Variants in B3GALT1 observed in about 807,000 individuals in gnomAD.
The protein encoded by B3GALT1 is UDP-Gal:betaGlcNAc beta 1,3-galactosyltransferase, polypeptide 1.
A neutral mutation model predicts 23.2 loss-of-function variants in B3GALT1; 10 were observed. The ratio of observed to expected loss-of-function variants is 0.43; its 90% confidence interval spans 0.27 to 0.73. B3GALT1 has a LOEUF of 0.73. Among genes scored for constraint, B3GALT1 ranks in the 30% least tolerant of loss-of-function variants. The pLI, the probability that B3GALT1 is intolerant of heterozygous loss-of-function variation, is 0.21. For missense variants in B3GALT1, 299 were observed against 405.4 expected, an observed-to-expected ratio of 0.74 and a Z score of 2.25; for synonymous variants, 156 against 141.5, an observed-to-expected ratio of 1.10 and a Z score of -0.73.
chr2:167,329,724 G>A (rs1463542782), intron 1 of B3GALT1, among the ~76,000 whole-genome samples: 1 of 151,846 alleles, frequency 6.6e-6, no homozygotes, highest in African/African-American at 2.4e-5. Context: ...CCTTAGCTTT[G>A]GTTTTTCTGG....
chr2:167,563,432 G>A (rs1160173492), intron 2 of B3GALT1, among the ~76,000 whole-genome samples: 14 of 120,278 alleles, frequency 1.2e-4, no homozygotes, highest in Admixed American at 1.6e-4. Flanking sequence ...CCTCCCTCCC[G>A]GACAGGGGCG....
At chr2:167,527,103 T>C (rs1683234252) in intron 2 of B3GALT1, among the ~76,000 whole-genome samples, 1 of 152,176 alleles carries the variant, frequency 6.6e-6, no homozygotes, top group Non-Finnish European at 1.5e-5. Context: ...TCATATCCTA[T>C]GATATGATGT....
intron 1 of B3GALT1, among the ~76,000 whole-genome samples, chr2:167,406,809 C>T (rs953922801): frequency 6.6e-6 from 1 of 152,134 alleles, no homozygotes; most frequent in Non-Finnish European, 1.5e-5. Context: ...GATACAGATC[C>T]CCTGGGGATG....
Position 167,644,924 on chromosome 2 carries a change from C to T in B3GALT1, c.-409-1985C>T, listed in dbSNP as rs541497068. 2.6e-5 allele frequency among the ~76,000 whole-genome samples: 4 copies of T among 152,098 alleles called. No homozygotes were observed. The South Asian group carries it at 8.3e-4, about 32-fold the overall frequency. On this transcript the variant is annotated intron_variant, in intron 2 of 4. Transcript: ENST00000392690. Reference sequence around the variant, plus strand: ...TTATCTAAGCTTAGCACCATTCAGACTCAGAGCCATGTTGATCTAAAGTGC... The same window carrying T: ...TTATCTAAGCTTAGCACCATTCAGATTCAGAGCCATGTTGATCTAAAGTGC...
At chr2:167,706,512 TCCTCTTTTGTTACAGC>T (rs1686969617) in intron 3 of B3GALT1, among the ~76,000 whole-genome samples, 1 of 152,188 alleles carries the variant, frequency 6.6e-6, no homozygotes, top group Non-Finnish European at 1.5e-5. Flanking sequence ...GAGCTGCCAT[TCCTCTTTTGTTACAGC>T]CTAACATACA....
chr2:167,662,295 G>C (rs1432381824), intron 3 of B3GALT1, among the ~76,000 whole-genome samples: 1 of 151,962 alleles, frequency 6.6e-6, no homozygotes, highest in Non-Finnish European at 1.5e-5. Flanking sequence ...CAATAGTTAA[G>C]CCATGATTGA....
At chr2:167,350,316 G>A (rs1697290420) in intron 1 of B3GALT1, among the ~76,000 whole-genome samples, 1 of 152,286 alleles carries the variant, frequency 6.6e-6, no homozygotes, top group Non-Finnish European at 1.5e-5. Context: ...TTACTGAGAG[G>A]ATCAACTATG....
intron 2 of B3GALT1, among the ~76,000 whole-genome samples, chr2:167,600,482 TATC>T (rs1312893065): frequency 1.3e-5 from 2 of 152,292 alleles, no homozygotes; most frequent in Admixed American, 1.3e-4. Flanking sequence ...TTTAGACAAT[TATC>T]ATCACCTCAA....
chr2:167,312,153 A>G (rs1696642094), intron 1 of B3GALT1, among the ~76,000 whole-genome samples: 1 of 152,048 alleles, frequency 6.6e-6, no homozygotes, highest in Non-Finnish European at 1.5e-5. Flanking sequence ...ATTAATAGCA[A>G]ACCTATATTA....
intron 3 of B3GALT1, among the ~76,000 whole-genome samples, chr2:167,688,266 A>C (rs7605048): frequency 0.26 from 39,372 of 151,974 alleles, 5,375 homozygotes; most frequent in Admixed American, 0.34. Context: ...TTGTCAGACC[A>C]AAATATATCA....
chr2:167,325,499 A>G (rs1330014751), intron 1 of B3GALT1, among the ~76,000 whole-genome samples: 1 of 151,722 alleles, frequency 6.6e-6, no homozygotes, highest in Non-Finnish European at 1.5e-5. Context: ...TCACCACACC[A>G]CCACCAAGGG....
At chr2:167,743,602 A>G (rs986483593) in intron 3 of B3GALT1, among the ~76,000 whole-genome samples, 2 of 151,940 alleles carry the variant, frequency 1.3e-5, no homozygotes, top group South Asian at 4.1e-4. Context: ...TATATTTTAA[A>G]TCGGTTTTGG....
intron 2 of B3GALT1, among the ~76,000 whole-genome samples, chr2:167,523,084 C>T (rs1256101531): frequency 6.6e-6 from 1 of 152,152 alleles, no homozygotes; most frequent in African/African-American, 2.4e-5. Context: ...CATCTGCTGT[C>T]CCATAGGCAC....
intron 3 of B3GALT1, among the ~76,000 whole-genome samples, chr2:167,670,783 A>G (rs1686311043): frequency 1.3e-5 from 2 of 152,194 alleles, no homozygotes; most frequent in African/African-American, 2.4e-5. Flanking sequence ...GAGAGCTTTA[A>G]TAGCAGGCTA....
intron 2 of B3GALT1, among the ~76,000 whole-genome samples, chr2:167,594,257 C>T (rs1052573993): frequency 1.3e-5 from 2 of 152,170 alleles, no homozygotes. Context: ...CAAATCAAGG[C>T]ACTGCATGTC....
At chr2:167,663,905 G>T (rs1042587181) in intron 3 of B3GALT1, among the ~76,000 whole-genome samples, 27 of 151,528 alleles carry the variant, frequency 1.8e-4, no homozygotes, top group Non-Finnish European at 1.9e-4. Context: ...CTCCCATTTT[G>T]TGGGTTGCCT....
At chr2:167,484,683 A>G (rs1052636349) in intron 1 of B3GALT1, among the ~76,000 whole-genome samples, 7 of 152,034 alleles carry the variant, frequency 4.6e-5, no homozygotes, top group African/African-American at 1.7e-4. Context: ...GAAGTCTCAT[A>G]AGTGGCTACC....
intron 1 of B3GALT1, among the ~76,000 whole-genome samples, chr2:167,395,211 A>T (rs1698076480): frequency 1.3e-5 from 2 of 152,130 alleles, no homozygotes; most frequent in Non-Finnish European, 2.9e-5. Flanking sequence ...GGCTCTTCAG[A>T]CATGTTCATG....
At chr2:167,453,445 T>C (rs1346808536) in intron 1 of B3GALT1, among the ~76,000 whole-genome samples, 1 of 152,260 alleles carries the variant, frequency 6.6e-6, no homozygotes, top group Non-Finnish European at 1.5e-5. Context: ...ATTAGGATAA[T>C]GTATGATATT....
Sources: allele counts gnomAD v4.1 joint callset (sites outside exome capture counted in the v4.1 genomes callset), GRCh38; gene constraint gnomAD v4.1.1; transcripts MANE v1.5; gene names NCBI Gene and HGNC (gene_info 2026-07-23, HGNC 2026-07-21).